CNBD1: variants seen among roughly 807,000 people sequenced by gnomAD.
The protein encoded by CNBD1 is cyclic nucleotide-binding domain-containing protein 1.
CNBD1 carries 71 observed loss-of-function variants against 54.4 expected under a neutral mutation model. The observed-to-expected ratio is 1.30, with a 90% CI of 1.08 to 1.59. The LOEUF (loss-of-function observed/expected upper bound fraction) is 1.59. CNBD1 is among the 40% of genes most tolerant of loss of function. The probability of loss-of-function intolerance (pLI) is 0.00; values close to 1 mark genes in which losing one functional copy is unlikely to be tolerated. For synonymous variants in CNBD1, 182 were observed against 170.7 expected (o/e 1.07, Z -0.51); for missense variants, 659 against 518.0 (o/e 1.27, Z -2.64).
At chr8:87,327,673 C>T (rs945734349) in intron 8 of CNBD1, among the ~76,000 whole-genome samples, 5 of 152,164 alleles carry the variant, frequency 3.3e-5, no homozygotes, top group East Asian at 1.9e-4. Flanking sequence ...GTGCCCGGTG[C>T]GCACACCCAC....
intron 3 of CNBD1, among the ~76,000 whole-genome samples, chr8:86,939,328 T>A (rs1267141202): frequency 1.3e-5 from 2 of 152,192 alleles, no homozygotes; most frequent in Non-Finnish European, 2.9e-5. Context: ...GAAAGGTGTT[T>A]CAATTGCTCA....
At chr8:87,189,752 T>C (rs1055338780) in intron 4 of CNBD1, among the ~76,000 whole-genome samples, 3 of 152,182 alleles carry the variant, frequency 2.0e-5, no homozygotes, top group African/African-American at 7.2e-5. Context: ...AAACTGATAA[T>C]GATCAGCATT....
At chr8:87,321,417 G>C (rs919037325) in intron 8 of CNBD1, among the ~76,000 whole-genome samples, 12 of 152,068 alleles carry the variant, frequency 7.9e-5, no homozygotes, top group Admixed American at 1.3e-4. Context: ...ATCTCTTTGT[G>C]ATTTTGATTT....
At chr8:87,385,067 T>G (rs920878661), downstream of CNBD1, among the ~76,000 whole-genome samples, 1 of 152,156 alleles carries the variant, frequency 6.6e-6, no homozygotes, top group Non-Finnish European at 1.5e-5. Flanking sequence ...AAAATAGATT[T>G]GGGGGACAAG....
chr8:87,059,771 G>A (rs773661188), intron 4 of CNBD1, among the ~76,000 whole-genome samples: 5 of 152,182 alleles, frequency 3.3e-5, no homozygotes, highest in African/African-American at 7.2e-5. Flanking sequence ...AGATTTTGGC[G>A]TGGGCACAGC....
intron 4 of CNBD1, among the ~76,000 whole-genome samples, chr8:87,068,468 G>C (rs1810698612): frequency 6.6e-6 from 1 of 151,826 alleles, no homozygotes; most frequent in Non-Finnish European, 1.5e-5. Flanking sequence ...CAATACCAAG[G>C]CTCCAGGTGA....
At chr8:87,204,814 T>C (rs1207762920) in intron 4 of CNBD1, among the ~76,000 whole-genome samples, 2 of 152,194 alleles carry the variant, frequency 1.3e-5, no homozygotes, top group African/African-American at 4.8e-5. Flanking sequence ...GCACATATTT[T>C]AGGTTTTGGT....
intron 6 of CNBD1, among the ~76,000 whole-genome samples, chr8:87,246,160 A>G (rs1213218159): frequency 6.6e-6 from 1 of 152,124 alleles, no homozygotes; most frequent in Non-Finnish European, 1.5e-5. Context: ...CAAAATGATG[A>G]AAAGATGAGG....
At chr8:86,981,944 G>A (rs995779730) in intron 4 of CNBD1, among the ~76,000 whole-genome samples, 2 of 152,092 alleles carry the variant, frequency 1.3e-5, no homozygotes, top group Non-Finnish European at 2.9e-5. Flanking sequence ...TGGGATTCCC[G>A]GGTCATACTA....
At chr8:87,049,959 A>T (rs1810278694) in intron 4 of CNBD1, among the ~76,000 whole-genome samples, 1 of 152,202 alleles carries the variant, frequency 6.6e-6, no homozygotes, top group African/African-American at 2.4e-5. Context: ...CTTGGGCCTG[A>T]GTTAAAACTC....
At chr8:87,300,073 G>A (rs1410277298) in intron 8 of CNBD1, among the ~76,000 whole-genome samples, 1 of 152,142 alleles carries the variant, frequency 6.6e-6, no homozygotes, top group Non-Finnish European at 1.5e-5. Flanking sequence ...CCTGGCAAAT[G>A]TTAACATGTG....
At chr8:87,064,870 G>T (rs1330767535) in intron 4 of CNBD1, among the ~76,000 whole-genome samples, 4 of 151,780 alleles carry the variant, frequency 2.6e-5, no homozygotes, top group African/African-American at 4.8e-5. Flanking sequence ...TTTAAAATTT[G>T]CTTCTGTTCC....
At chr8:87,285,895 T>A (rs1808688756) in intron 7 of CNBD1, among the ~76,000 whole-genome samples, 1 of 151,954 alleles carries the variant, frequency 6.6e-6, no homozygotes, top group Non-Finnish European at 1.5e-5. Flanking sequence ...AAATAAAAAA[T>A]AATGGGATTC....
At chr8:87,008,715 A>T (rs1349398888) in intron 4 of CNBD1, among the ~76,000 whole-genome samples, 14 of 152,232 alleles carry the variant, frequency 9.2e-5, no homozygotes, top group Non-Finnish European at 5.9e-5. Context: ...AGGAGCAATT[A>T]AGAAAGAATG....
At chr8:87,240,142 C>T (rs899495856) in intron 6 of CNBD1, among the ~76,000 whole-genome samples, 1 of 150,938 alleles carries the variant, frequency 6.6e-6, no homozygotes, top group African/African-American at 2.4e-5. Flanking sequence ...TATTTATATA[C>T]TTCTATATTC....
chr8:87,226,491 G>A (rs527395540), intron 5 of CNBD1, among the ~76,000 whole-genome samples: 1,487 of 146,316 alleles, frequency 0.01, 21 homozygotes, highest in African/African-American at 0.031. Flanking sequence ...CCTTCATTTC[G>A]TTATGTACCC....
chr8:87,416,049 C>CTATAAA (rs1185303635), intron 2 of CNBD1, among the ~76,000 whole-genome samples: 2 of 151,756 alleles, frequency 1.3e-5, no homozygotes, highest in Non-Finnish European at 2.9e-5. Context: ...AAAAGCTTTA[C>CTATAAA]TATAAATAAG....
rs180912605 is a variant in CNBD1 at position 87,314,121 on chromosome 8, T to C, written c.1042+27450T>C. 5.3e-3 allele frequency among the ~76,000 whole-genome samples: 804 copies of C among 151,918 alleles called. 16 individuals carry two copies. Among genetic ancestry groups the C allele is most frequent in the African/African-American group, 0.019 (774 of 41,504 alleles). On this transcript the variant is annotated intron_variant, in intron 8 of 10. Transcript: ENST00000518476. ...TGATGCCAATGCTTTTTTTTTCTAA[T>C]TCAGTATAATATGGGAGCTAAAACT...
chr8:87,009,029 T>G (rs1809161010), intron 4 of CNBD1, among the ~76,000 whole-genome samples: 1 of 151,998 alleles, frequency 6.6e-6, no homozygotes, highest in Non-Finnish European at 1.5e-5. Flanking sequence ...TGAACTACCA[T>G]TATTGTTCTT....
Sources: allele counts gnomAD v4.1 joint callset (sites outside exome capture counted in the v4.1 genomes callset), GRCh38; gene constraint gnomAD v4.1.1; transcripts MANE v1.5; gene names NCBI Gene and HGNC (gene_info 2026-07-23, HGNC 2026-07-21).